RNF41: variants seen among roughly 807,000 people sequenced by gnomAD.
The protein encoded by RNF41 is ring finger protein 41.
A neutral mutation model predicts 33.0 loss-of-function variants in RNF41; 4 were observed. The ratio of observed to expected loss-of-function variants is 0.12; its 90% CI spans 0.06 to 0.28. The LOEUF (loss-of-function observed/expected upper bound fraction) is 0.28. Ranked by LOEUF, RNF41 falls within the 10% of genes least tolerant of loss-of-function variation. The probability of loss-of-function intolerance (pLI) is 1.00; values close to 1 mark genes in which losing one functional copy is unlikely to be tolerated. For missense variants in RNF41, 228 were observed against 432.6 expected (o/e 0.53, Z 4.19); for synonymous variants, 164 against 153.2 (o/e 1.07, Z -0.52).
intron 3 of RNF41, among the ~76,000 whole-genome samples, chr12:56,213,632 A>G (rs1015971893): frequency 6.6e-6 from 1 of 152,174 alleles, no homozygotes; most frequent in African/African-American, 2.4e-5. Flanking sequence ...GATGGAACCT[A>G]GTAAGAGTTC....
chr12:56,204,462 AG>A lies in RNF41; in HGVS notation c.*1984del, dbSNP rs1451433474. On this transcript the variant is annotated 3_prime_UTR_variant, in exon 7 of 7. Coordinates refer to ENST00000345093, the MANE Select transcript of RNF41 (RefSeq NM_005785.4). ...TAAGGTGAGAGAAAGGCAAAAGCAGAGGGGAAACCTTCTCAAGAAAGGGAGT... is the reference window on the plus strand; with the variant it reads ...TAAGGTGAGAGAAAGGCAAAAGCAGAGGGAAACCTTCTCAAGAAAGGGAGT... 6.6e-6 allele frequency: 1 copy of A among 152,244 alleles called. No homozygotes were observed. Among genetic ancestry groups the A allele is most frequent in the East Asian group, 1.9e-4 (1 of 5,202 alleles). 9.4% of individuals were successfully genotyped at this position (152,244 alleles called of 1,614,324 possible).
Position 56,206,041 on chromosome 12 carries a change from TCAACA to T in RNF41, c.*401_*405del. The T allele has an allele frequency of 5.8e-6, 1 of 173,818 alleles. No individual in the cohort carries two copies. The highest frequency in any genetic ancestry group is 1.5e-4 in the East Asian group (1 of 6,458). The allele number at this position is 173,818 out of a possible 1,614,324, so 10.8% of individuals were successfully genotyped here. ...TCTTCAGGATGTCTGCTGCTTAGAG[TCAACA>T]GGCCTGACTGCTCTGATTCCCTGGT... On this transcript the variant is annotated 3_prime_UTR_variant, in exon 7 of 7. Coordinates refer to ENST00000345093, the MANE Select transcript of RNF41 (RefSeq NM_005785.4). The surrounding 1 kb of genome is among the most constrained non-coding windows in gnomAD (Gnocchi z 5.7).
chr12:56,214,110 G>A, intron 2 of RNF41, 40 bp from the exon 3 acceptor site: 1 of 1,056,308 alleles, frequency 9.5e-7, no homozygotes, highest in Non-Finnish European at 1.5e-6. Context: ...TTCAGAAGAA[G>A]CCTACAAATA....
At chr12:56,207,538 C>A in intron 6 of RNF41, 108 bp downstream of exon 6, 1 of 900,822 alleles carries the variant, frequency 1.1e-6, no homozygotes, top group South Asian at 1.3e-5. Flanking sequence ...AAGCAGTGAC[C>A]CCCAGCCCAG....
rs118147274 is a variant in RNF41 at position 56,221,725 on chromosome 12, T to G, written c.-209+35A>C. 1.0e-3 allele frequency: 154 copies of G among 151,334 alleles called. 1 individual carries two copies. Among genetic ancestry groups the G allele is most frequent in the Non-Finnish European group, 1.8e-3 (120 of 67,974 alleles). 9.4% of individuals were successfully genotyped at this position (151,334 alleles called of 1,614,324 possible). ...TCACCTCCTCCCCTCCCACACCCTC[T>G]TTTAGGTGGAAGATCGCGCAGGCGC... On this transcript the variant is annotated intron_variant, in intron 1 of 6. Coordinates refer to ENST00000345093, the MANE Select transcript of RNF41 (RefSeq NM_005785.4).
intron 3 of RNF41, chr12:56,213,121 G>C (rs1868605324): frequency 7.8e-7 from 1 of 1,289,468 alleles, no homozygotes; most frequent in Non-Finnish European, 1.0e-6. Context: ...AGAGTGCATG[G>C]CTGTATCAAA....
chr12:56,212,881 A>C, intron 3 of RNF41: 2 of 756,772 alleles, frequency 2.6e-6, no homozygotes, highest in Non-Finnish European at 3.9e-6. Flanking sequence ...ATCTCTAGAT[A>C]GCCAGGAAAG....
Position 56,203,135 on chromosome 12 carries a change from A to C in RNF41, c.*3312T>G, listed in dbSNP as rs921978977. 30 of 151,370 alleles carry C rather than the reference A, an allele frequency of 2.0e-4. No homozygotes were observed. The highest frequency in any genetic ancestry group is 7.0e-4 in the African/African-American group (29 of 41,308). 9.4% of individuals were successfully genotyped at this position (151,370 alleles called of 1,614,324 possible). The stretch of plus-strand genomic sequence containing the variant: ...TACATCAGGTGCATGATAAATGCTC[A>C]AATTTAAAACAAACTTCTGGGAGGA... On this transcript the variant is annotated 3_prime_UTR_variant, in exon 7 of 7. Transcript: ENST00000345093.
At chr12:56,220,020 A>C (rs1869234389) in intron 1 of RNF41, among the ~76,000 whole-genome samples, 1 of 114,410 alleles carries the variant, frequency 8.7e-6, no homozygotes, top group South Asian at 2.3e-4. Context: ...CTGTCTCAAA[A>C]ATAAATAAAT....
chr12:56,207,704 T>C lies in RNF41; in HGVS notation c.544A>G (p.Ser182Gly). The C allele has an allele frequency of 6.2e-7, 1 of 1,614,220 alleles. No individual in the cohort carries two copies. The change falls in exon 6 of 7, where the codon AGT becomes GGT. Residue 182 changes from serine (S) to glycine (G), a missense_variant. Ser to Gly is a moderately conservative substitution (Grantham distance 56). Coordinates refer to ENST00000345093, the MANE Select transcript of RNF41 (RefSeq NM_005785.4). Reference sequence around the variant, plus strand: ...AGGTTCTGAAGGTTGGGGTTGACACTGCGGATTGCACGCATGTATGCCTTT... The same window carrying C: ...AGGTTCTGAAGGTTGGGGTTGACACCGCGGATTGCACGCATGTATGCCTTT... ...LLKAYMRAIR[S>G]VNPNLQNLEE...
rs1365051360 is a variant in RNF41, at chr12:56,207,747, C to T, written c.501G>A (p.Lys167=). The T allele has an allele frequency of 3.7e-6, 6 of 1,613,048 alleles. No homozygotes were observed. Among genetic ancestry groups the T allele is most frequent in the Non-Finnish European group, 5.1e-6 (6 of 1,178,990 alleles). Residue 167 remains lysine, a splice_region_variant and synonymous_variant, in exon 6 of 7, where the codon AAG becomes AAA. Transcript: ENST00000345093. The part of the protein sequence containing the change: ...AEHKHQLAEQ[K]RDIQLLKAYM... ...ATGCCTTTAGCAGCTGGATGTCTCG[C>T]TTCTGTTGTGGGGAAGAAGAACAGG...
Position 56,210,398 on chromosome 12 carries a change from C to T in RNF41, c.261G>A (p.Val87=). ...SKLQIACDNA[V]FGCSAVVRLD... is the part of the protein sequence containing the mutation. ...GCCGGACAACGGCACTACAGCCGAACACAGCGTTGTCACAGGCAATCTGCA... is the reference window on the plus strand; with the variant it reads ...GCCGGACAACGGCACTACAGCCGAATACAGCGTTGTCACAGGCAATCTGCA... Residue 87 remains valine, a synonymous_variant, in exon 4 of 7, where the codon GTG becomes GTA. Transcript: ENST00000345093. The T allele has an allele frequency of 1.9e-6, 3 of 1,614,230 alleles. No homozygotes were observed. The highest frequency in any genetic ancestry group is 2.5e-6 in the Non-Finnish European group (3 of 1,180,040).
intron 1 of RNF41, among the ~76,000 whole-genome samples, chr12:56,220,578 C>CA (rs1793915425): frequency 6.6e-6 from 1 of 151,492 alleles, no homozygotes; most frequent in Non-Finnish European, 1.5e-5. Flanking sequence ...ACTAAAAATA[C>CA]AAAAAATTAG....
chr12:56,220,962 A>C (rs1869358624), intron 1 of RNF41, among the ~76,000 whole-genome samples: 1 of 152,128 alleles, frequency 6.6e-6, no homozygotes, highest in African/African-American at 2.4e-5. Context: ...GTCAGACTCT[A>C]AAACCCCTGT....
In RNF41 at chr12:56,204,189, G is replaced by A. The variant is rs539460568; in HGVS notation, c.*2258C>T. On this transcript the variant is annotated 3_prime_UTR_variant, in exon 7 of 7. Transcript: ENST00000345093. ...AAAAGATATATACATATCTTCTGTA[G>A]AAATTATCCCAAAAACTCAGGACCA... The A allele has an allele frequency of 6.6e-6, 1 of 152,236 alleles. No homozygotes were observed. Among genetic ancestry groups the A allele is most frequent in the South Asian group, 2.1e-4 (1 of 4,832 alleles). 9.4% of individuals were successfully genotyped at this position (152,236 alleles called of 1,614,324 possible).
intron 1 of RNF41, among the ~76,000 whole-genome samples, chr12:56,217,827 T>G (rs1869022557): frequency 6.6e-6 from 1 of 152,178 alleles, no homozygotes; most frequent in Non-Finnish European, 1.5e-5. Context: ...GAGAATCTAA[T>G]GCCTGATGAT....
In RNF41 at chr12:56,212,496, G is replaced by A. The variant is rs551599351; in HGVS notation, c.90+1462C>T. Among the ~76,000 whole-genome samples the A allele has an allele frequency of 3.3e-5, 5 of 152,160 alleles. No homozygotes were observed. The South Asian group carries it at 6.2e-4, about 19-fold the overall frequency. ...TTCTGACTAGACTGTCACCAACTAC[G>A]ACTCACCTTTCCATAAGTGACTTGC... On this transcript the variant is annotated intron_variant, in intron 3 of 6. Transcript: ENST00000345093.
In RNF41 at chr12:56,207,613, A is replaced by G. The variant is rs1210827284; in HGVS notation, c.602+33T>C. The G allele has an allele frequency of 3.4e-6, 5 of 1,475,522 alleles. No homozygotes were observed. The African/African-American group carries it at 4.2e-5, about 12-fold the overall frequency. 91.4% of individuals were successfully genotyped at this position (1,475,522 alleles called of 1,614,324 possible). A position where few individuals can be genotyped will look rare whatever the true frequency, so the allele number is the denominator to read the frequency against. On this transcript the variant is annotated intron_variant, in intron 6 of 6. Transcript: ENST00000345093. Reference sequence around the variant, plus strand: ...TCCTTTCAGGCCTTGTTGTCAGGACATGAAATCACTCCACGTCCTGAGTGA... The same window carrying G: ...TCCTTTCAGGCCTTGTTGTCAGGACGTGAAATCACTCCACGTCCTGAGTGA...
chr12:56,217,996 T>C (rs1172243048), intron 1 of RNF41, among the ~76,000 whole-genome samples: 1 of 152,130 alleles, frequency 6.6e-6, no homozygotes, highest in Non-Finnish European at 1.5e-5. Flanking sequence ...CTCTGTCACC[T>C]AGGCTAGAGT....
Sources: gnomAD v4.1 joint callset for allele counts (sites outside exome capture counted in the v4.1 genomes callset) on GRCh38, gnomAD v4.1.1 for gene constraint, Gnocchi (gnomAD v3.1) non-coding constraint, MANE v1.5 for transcripts, NCBI Gene and HGNC (gene_info 2026-07-23, HGNC 2026-07-21) for gene names.